RIF1: variants seen among roughly 807,000 people sequenced by gnomAD.
RIF1 encodes the protein telomere-associated protein RIF1.
A neutral mutation model predicts 247.1 loss-of-function variants in RIF1; 45 were observed. The observed-to-expected ratio is 0.18, with a 90% confidence interval of 0.14 to 0.23. The LOEUF (loss-of-function observed/expected upper bound fraction) is 0.23. RIF1 is among the 10% of genes least tolerant of loss of function. The pLI, the probability that RIF1 is intolerant of heterozygous loss-of-function variation, is 1.00. For synonymous variants in RIF1, 1,087 were observed against 978.8 expected (o/e 1.11, Z -2.06); for missense variants, 2,967 against 2,862.5 (o/e 1.04, Z -0.83).
chr2:151,438,226 C>T (rs1415733545), intron 13 of RIF1, among the ~76,000 whole-genome samples: 2 of 152,072 alleles, frequency 1.3e-5, no homozygotes, highest in African/African-American at 2.4e-5. Flanking sequence ...GCCTGTAATC[C>T]TGGCAGTTTG....
chr2:151,492,461 G>T, intron 9 of RIF1: 2 of 1,613,402 alleles, frequency 1.2e-6, no homozygotes, highest in South Asian at 1.1e-5. Context: ...GCTTTGCCTT[G>T]TATTTGTTTC....
intron 9 of RIF1, among the ~76,000 whole-genome samples, chr2:151,429,657 T>TA: frequency 6.6e-6 from 1 of 152,342 alleles, no homozygotes; most frequent in East Asian, 1.9e-4. Context: ...TTCCATGGAA[T>TA]AAAAATATCA....
chr2:151,498,382 A>C, intron 10 of RIF1: 1 of 1,467,050 alleles, frequency 6.8e-7, no homozygotes, highest in Non-Finnish European at 9.3e-7. Flanking sequence ...CCAGAACAAA[A>C]AAAGCAATCA....
At chr2:151,524,368 G>A in the RIF1 span, 1 of 1,613,974 alleles carries the variant, frequency 6.2e-7, no homozygotes, top group Non-Finnish European at 8.5e-7. Flanking sequence ...GACCGAGCAT[G>A]CTTAAGCCAT....
At chr2:151,501,256 CAG>C (rs1458324849) in intron 11 of RIF1, 4 of 553,636 alleles carry the variant, frequency 7.2e-6, no homozygotes, top group African/African-American at 3.8e-5. Flanking sequence ...ATCTGGAAAA[CAG>C]AAGGATTCAG....
At chr2:151,512,629 G>T, downstream of RIF1, 2 of 889,712 alleles carry the variant, frequency 2.2e-6, no homozygotes, top group South Asian at 1.5e-5. Flanking sequence ...CTTTTTTATT[G>T]GGAAAAACTG....
In RIF1 at chr2:151,464,631, A is replaced by T; in HGVS notation, c.5111A>T (p.Asp1704Val). 6.2e-7 allele frequency: 1 copy of T among 1,613,770 alleles called. No individual in the cohort carries two copies. The highest frequency in any genetic ancestry group is 8.5e-7 in the Non-Finnish European group (1 of 1,179,774). Residue 1704 changes from aspartate to valine, a missense_variant, in exon 30 of 36, where the codon GAT becomes GTT. By Grantham distance (152) the Asp-to-Val change is radical. This residue lies in a region of RIF1 where 2,028 missense variants were observed against 1,825.6 expected (regional missense o/e 1.11). Transcript: ENST00000444746. Reference protein sequence around the residue: ...LGESSKIGISDISSLSEKTFQ... With the variant: ...LGESSKIGISVISSLSEKTFQ... ...GAATCCTCAAAAATAGGGATATCAG[A>T]TATTTCTTCGCTTTCAGAAAAAACT...
intron 34 of RIF1, among the ~76,000 whole-genome samples, chr2:151,473,339 G>A (rs2048713291): frequency 6.9e-6 from 1 of 144,022 alleles, no homozygotes; most frequent in Non-Finnish European, 1.5e-5. Flanking sequence ...TGTCACCCAG[G>A]CCAGAGTGCA....
chr2:151,437,226 ATTC>A lies in RIF1; in HGVS notation c.1373-11_1373-9del. The A allele has an allele frequency of 3.2e-6, 5 of 1,573,446 alleles. No individual in the cohort carries two copies. The highest frequency in any genetic ancestry group is 2.2e-5 in the East Asian group (1 of 44,658). Reference sequence around the variant, plus strand: ...CTGTTGTTTTACATAATTATCTTTTATTCTTCCCTTTCAGAGCCATTGGAACAT... The same window carrying A: ...CTGTTGTTTTACATAATTATCTTTTATTCCCTTTCAGAGCCATTGGAACAT... On this transcript the variant is annotated splice_polypyrimidine_tract_variant and intron_variant, in intron 12 of 35. Coordinates refer to ENST00000444746, the MANE Select transcript of RIF1 (RefSeq NM_018151.5).
At chr2:151,444,901 C>G (rs1692989190) in intron 18 of RIF1, among the ~76,000 whole-genome samples, 1 of 152,154 alleles carries the variant, frequency 6.6e-6, no homozygotes, top group Non-Finnish European at 1.5e-5. Context: ...GTTCTGGAGA[C>G]CAGCTATCCA....
At chr2:151,509,896 C>G (rs2072693861), downstream of RIF1, among the ~76,000 whole-genome samples, 1 of 152,212 alleles carries the variant, frequency 6.6e-6, no homozygotes, top group Non-Finnish European at 1.5e-5. Context: ...GCGCGAGCCA[C>G]TGCGCCCGAC....
At chr2:151,520,968 T>C in the RIF1 span, among the ~76,000 whole-genome samples, 1 of 152,220 alleles carries the variant, frequency 6.6e-6, no homozygotes, top group African/African-American at 2.4e-5. Context: ...TCAACAGTAT[T>C]GCAGAATTAA....
intron 10 of RIF1, chr2:151,498,369 C>A: frequency 6.6e-7 from 1 of 1,510,100 alleles, no homozygotes; most frequent in African/African-American, 1.4e-5. Flanking sequence ...GATGAGAAAG[C>A]ATCCAGAACA....
rs1357539230 is a variant in RIF1 at position 151,457,975 on chromosome 2, A to G, written c.2855+12A>G. On this transcript the variant is annotated intron_variant, in intron 24 of 35. Coordinates refer to ENST00000444746, the MANE Select transcript of RIF1 (RefSeq NM_018151.5). ...CCTGAAGAGTTAAAGTATGCTAACA[A>G]CAAAACTTATATACAACTAACTATT... 1.3e-5 allele frequency: 21 copies of G among 1,591,708 alleles called. No individual in the cohort carries two copies. Among genetic ancestry groups the G allele is most frequent in the South Asian group, 2.2e-5 (2 of 90,530 alleles).
chr2:151,521,788 C>T, the RIF1 span, among the ~76,000 whole-genome samples: 1 of 152,180 alleles, frequency 6.6e-6, no homozygotes, highest in Non-Finnish European at 1.5e-5. Flanking sequence ...GCTCCCTTCT[C>T]CATAGGAAGT....
In RIF1 at chr2:151,463,082, G is replaced by A; in HGVS notation, c.3562G>A (p.Ala1188Thr). 2 of 1,613,844 alleles carry A rather than the reference G, an allele frequency of 1.2e-6. No homozygotes were observed. The highest frequency in any genetic ancestry group is 1.7e-6 in the Non-Finnish European group (2 of 1,179,848). The stretch of plus-strand genomic sequence containing the variant: ...ATCAAGGAAAACATCAACTGAATGT[G>A]CATCTAGTACAGAAAATTCTTTCGT... ...ISSRKTSTEC[A>T]SSTENSFVVS... Residue 1188 changes from alanine (A) to threonine (T), a missense_variant, in exon 30 of 36, where the codon GCA becomes ACA. By Grantham distance (58) the Ala-to-Thr change is moderately conservative. Around this residue, in one of 7 missense-constraint regions of RIF1, gnomAD observed 2,028 missense variants for 1,825.6 expected, o/e 1.11. Transcript: ENST00000444746.
chr2:151,503,730 C>T (rs560707978), intron 12 of RIF1, among the ~76,000 whole-genome samples: 47 of 152,214 alleles, frequency 3.1e-4, no homozygotes, highest in Non-Finnish European at 5.6e-4. Flanking sequence ...AAAATCTAAC[C>T]ATTTTGTTGC....
At chr2:151,448,282 G>A (rs914717423) in intron 20 of RIF1, among the ~76,000 whole-genome samples, 1 of 152,150 alleles carries the variant, frequency 6.6e-6, no homozygotes, top group African/African-American at 2.4e-5. Flanking sequence ...GACCTCAGGT[G>A]ATTAGCCCAC....
intron 6 of RIF1, among the ~76,000 whole-genome samples, chr2:151,417,504 C>G (rs2152120925): frequency 6.6e-6 from 1 of 152,236 alleles, no homozygotes; most frequent in South Asian, 2.1e-4. Context: ...ATAAGTAATA[C>G]AGTTGGCCCT....
Sources: gnomAD v4.1 joint callset for allele counts (sites outside exome capture counted in the v4.1 genomes callset) on GRCh38, gnomAD v4.1.1 for gene constraint, gnomAD v4.1.1 regional missense constraint, MANE v1.5 for transcripts, NCBI Gene and HGNC (gene_info 2026-07-23, HGNC 2026-07-21) for gene names.